KANK1: variants seen among roughly 807,000 people sequenced by gnomAD.
The protein encoded by KANK1 is KN motif and ankyrin repeat domains 1.
Under a neutral mutation model 106.2 loss-of-function variants are expected in KANK1, and 109 were observed. That is an observed-to-expected ratio of 1.03 (90% CI 0.88 to 1.20). KANK1 has a LOEUF of 1.20. Among genes scored for constraint, KANK1 ranks in the 50% most tolerant of loss-of-function variants. The pLI is 0.00. For synonymous variants in KANK1, 873 were observed against 652.2 expected (o/e 1.34, Z -5.16); for missense variants, 2,399 against 1,710.7 (o/e 1.40, Z -7.10).
intron 1 of KANK1, among the ~76,000 whole-genome samples, chr9:580,042 GTTC>G (rs1821636746): frequency 6.6e-6 from 1 of 152,302 alleles, no homozygotes; most frequent in South Asian, 2.1e-4. Context: ...GAGTGTTACA[GTTC>G]TTAAAGATGG....
rs202023060 is a variant in KANK1 at position 473,702 on chromosome 9, AT to A, written c.-362+445del. On this transcript the variant is annotated intron_variant, in intron 3 of 15. Transcript: ENST00000382303. ...TATCTTGCACCCAGAAAGAACAAGA[AT>A]TTTTTTTTTTTTTTTGAGACAGAGT... 6.8e-3 allele frequency among the ~76,000 whole-genome samples: 983 copies of A among 144,656 alleles called. 6 individuals carry two copies. The highest frequency in any genetic ancestry group is 0.015 in the African/African-American group (596 of 39,640). The allele number at this position is 144,656 out of a possible 152,430, so 94.9% of individuals were successfully genotyped here. A position where few individuals can be genotyped will look rare whatever the true frequency, so the allele number is the denominator to read the frequency against.
chr9:684,565 A>G (rs780298230), intron 2 of KANK1: 8 of 985,250 alleles, frequency 8.1e-6, no homozygotes, highest in Non-Finnish European at 8.4e-6. Context: ...TCCTCAGCAG[A>G]CTTCTCGTTG....
intron 1 of KANK1, among the ~76,000 whole-genome samples, chr9:674,954 G>C (rs10758802): frequency 0.71 from 107,616 of 151,928 alleles, 39,210 homozygotes; most frequent in East Asian, 0.9. Flanking sequence ...ATCTGCCTGC[G>C]TCAGCCTCCC....
chr9:557,856 TTA>T (rs1379996895), intron 1 of KANK1, among the ~76,000 whole-genome samples: 2 of 152,088 alleles, frequency 1.3e-5, no homozygotes, highest in African/African-American at 2.4e-5. Flanking sequence ...TTTAATTAAA[TTA>T]GCTGGGCATG....
chr9:654,626 A>C (rs7028270), intron 1 of KANK1, among the ~76,000 whole-genome samples: 42,339 of 151,744 alleles, frequency 0.28, 9,068 homozygotes, highest in African/African-American at 0.56. Flanking sequence ...GCCCATGAGC[A>C]CCTAGCAGCA....
intron 1 of KANK1, among the ~76,000 whole-genome samples, chr9:584,109 T>C (rs1395558927): frequency 6.6e-6 from 1 of 152,124 alleles, no homozygotes; most frequent in East Asian, 1.9e-4. Flanking sequence ...GCATTACATA[T>C]ATAATCAAAA....
intron 1 of KANK1, among the ~76,000 whole-genome samples, chr9:536,938 C>G (rs922469551): frequency 1.3e-5 from 2 of 152,182 alleles, no homozygotes; most frequent in Non-Finnish European, 2.9e-5. Flanking sequence ...TCTGTTCCAC[C>G]TGGCTGGCAG....
chr9:695,836 C>G (rs1821128606), intron 2 of KANK1, among the ~76,000 whole-genome samples: 1 of 152,176 alleles, frequency 6.6e-6, no homozygotes, highest in African/African-American at 2.4e-5. Context: ...AGCCAGGATT[C>G]AAACCCAGGC....
intron 1 of KANK1, among the ~76,000 whole-genome samples, chr9:612,644 CA>C (rs1330175873): frequency 6.6e-6 from 1 of 152,080 alleles, no homozygotes; most frequent in Non-Finnish European, 1.5e-5. Context: ...AACAATGAGA[CA>C]GGATTTGTGG....
chr9:635,972 G>T (rs757553085), intron 1 of KANK1, among the ~76,000 whole-genome samples: 1 of 152,134 alleles, frequency 6.6e-6, no homozygotes, highest in East Asian at 1.9e-4. Context: ...ACCGTGCCTG[G>T]CTTTATTCCT....
rs191384815 is a variant in KANK1 at position 480,053 on chromosome 9, C to T, written c.-362+6780C>T. 3.2e-4 allele frequency among the ~76,000 whole-genome samples: 48 copies of T among 152,312 alleles called. No individual in the cohort carries two copies. The East Asian group carries it at 6.6e-3, about 21-fold the overall frequency. ...TCAAAACTAGAATCAAAAACTTTAA[C>T]GGAGTTCCCTTAAAACAGAAACACA... On this transcript the variant is annotated intron_variant, in intron 3 of 15. Coordinates refer to the KANK1 transcript ENST00000382303.
chr9:491,516 C>A (rs952529338), intron 3 of KANK1, among the ~76,000 whole-genome samples: 1 of 152,202 alleles, frequency 6.6e-6, no homozygotes, highest in African/African-American at 2.4e-5. Flanking sequence ...ATCCACCCTC[C>A]TCGGCCCCCC....
At chr9:581,100 C>T (rs760796927) in intron 1 of KANK1, among the ~76,000 whole-genome samples, 1 of 152,116 alleles carries the variant, frequency 6.6e-6, no homozygotes, top group Non-Finnish European at 1.5e-5. Flanking sequence ...CTGGCCTACC[C>T]AGAACTCCTG....
chr9:740,902 G>C lies in KANK1; in HGVS notation c.3664G>C (p.Gly1222Arg), dbSNP rs746280611. The C allele has an allele frequency of 5.0e-6, 8 of 1,614,074 alleles. No individual in the cohort carries two copies. The highest frequency in any genetic ancestry group is 1.3e-5 in the African/African-American group (1 of 74,924). ...CATGCGGATTGTGGAAGAACTCTTC[G>C]GCTGTGGGGATGTGAATGCCAAAGC... ...KDMRIVEELF[G>R]CGDVNAKASQ... The change falls in exon 9 of 12, where the codon GGC becomes CGC. Residue 1222 changes from glycine to arginine, a missense_variant. By Grantham distance (125) the Gly-to-Arg change is moderately radical (BLOSUM62 -2). Coordinates refer to ENST00000382297, the MANE Select transcript of KANK1 (RefSeq NM_015158.5).
chr9:513,702 A>G (rs182728314), intron 1 of KANK1, among the ~76,000 whole-genome samples: 9 of 152,306 alleles, frequency 5.9e-5, no homozygotes, highest in Admixed American at 5.9e-4. Flanking sequence ...TCTGTTGTTA[A>G]TTCTGACTGG....
At chr9:491,542 C>T (rs1388548592) in intron 3 of KANK1, among the ~76,000 whole-genome samples, 2 of 152,076 alleles carry the variant, frequency 1.3e-5, no homozygotes, top group African/African-American at 2.4e-5. Context: ...GCTGGGATTA[C>T]AGGTGTGAGC....
intron 1 of KANK1, chr9:539,652 G>A (rs2133800758): frequency 6.6e-6 from 1 of 152,106 alleles, no homozygotes; most frequent in South Asian, 2.1e-4. Context: ...CACCATGCCT[G>A]GCTGATTTTT....
chr9:736,142 T>G (rs1434565438), intron 7 of KANK1, among the ~76,000 whole-genome samples: 1 of 152,104 alleles, frequency 6.6e-6, no homozygotes, highest in East Asian at 1.9e-4. Flanking sequence ...GTATTTTTAG[T>G]AGAGACCGGG....
At chr9:628,253 C>G (rs1203737235) in intron 1 of KANK1, among the ~76,000 whole-genome samples, 1 of 152,164 alleles carries the variant, frequency 6.6e-6, no homozygotes, top group African/African-American at 2.4e-5. Context: ...TCTTGATTGA[C>G]TCTGCCTGTC....
Sources: gnomAD v4.1 joint callset for allele counts (sites outside exome capture counted in the v4.1 genomes callset) on GRCh38, gnomAD v4.1.1 for gene constraint, MANE v1.5 for transcripts, NCBI Gene and HGNC (gene_info 2026-07-23, HGNC 2026-07-21) for gene names.